KLHL1: variants seen among roughly 807,000 people sequenced by gnomAD.
KLHL1 encodes the protein kelch-like protein 1.
KLHL1 carries 47 observed loss-of-function variants against 77.7 expected under a neutral mutation model. The observed-to-expected ratio is 0.60, with a 90% CI of 0.48 to 0.77. The LOEUF is 0.77. Among genes scored for constraint, KLHL1 ranks in the 30% least tolerant of loss-of-function variants. The pLI is 0.00. For synonymous variants in KLHL1, 360 were observed against 325.2 expected (o/e 1.11, Z -1.15); for missense variants, 925 against 910.8 (o/e 1.02, Z -0.20).
At chr13:69,768,018 A>G (rs1216823198) in intron 7 of KLHL1, among the ~76,000 whole-genome samples, 1 of 152,218 alleles carries the variant, frequency 6.6e-6, no homozygotes, top group Non-Finnish European at 1.5e-5. Flanking sequence ...AGTAAAATAC[A>G]TTTGTTTGTA....
chr13:70,099,777 A>C (rs2137452917), intron 1 of KLHL1, among the ~76,000 whole-genome samples: 1 of 152,176 alleles, frequency 6.6e-6, no homozygotes, highest in Admixed American at 6.5e-5. Flanking sequence ...TTTAAACATT[A>C]AACTAATGAA....
chr13:69,817,468 T>G (rs2138072621), intron 6 of KLHL1, among the ~76,000 whole-genome samples: 1 of 152,346 alleles, frequency 6.6e-6, no homozygotes, highest in African/African-American at 2.4e-5. Context: ...TTGAAGGCTT[T>G]CTGTGATTCA....
chr13:69,962,981 CAT>C (rs1403613988), intron 2 of KLHL1, among the ~76,000 whole-genome samples: 1 of 152,116 alleles, frequency 6.6e-6, no homozygotes, highest in Non-Finnish European at 1.5e-5. Flanking sequence ...GTTATTTCTT[CAT>C]ATATTCACTT....
At chr13:69,890,674 G>A (rs1881395686) in intron 4 of KLHL1, among the ~76,000 whole-genome samples, 2 of 150,762 alleles carry the variant, frequency 1.3e-5, no homozygotes, top group Non-Finnish European at 3.0e-5. Flanking sequence ...ACAGATATAT[G>A]TATCTCCTTG....
intron 5 of KLHL1, among the ~76,000 whole-genome samples, chr13:69,841,834 G>T: frequency 1.3e-5 from 2 of 151,482 alleles, no homozygotes; most frequent in Non-Finnish European, 1.5e-5. Context: ...TTTCTCTAAA[G>T]ATAGATATAT....
chr13:69,760,656 C>T (rs1307780216), intron 7 of KLHL1, among the ~76,000 whole-genome samples: 2 of 151,962 alleles, frequency 1.3e-5, no homozygotes, highest in Non-Finnish European at 2.9e-5. Context: ...TGCCCTGCCA[C>T]AAGATTTAAA....
chr13:69,885,444 C>T (rs959178124), intron 4 of KLHL1, among the ~76,000 whole-genome samples: 1 of 150,190 alleles, frequency 6.7e-6, no homozygotes, highest in Non-Finnish European at 1.5e-5. Context: ...TTTCTTTACA[C>T]TTCATTGAAT....
At chr13:69,858,599 A>C (rs1339194145) in intron 5 of KLHL1, among the ~76,000 whole-genome samples, 1 of 152,102 alleles carries the variant, frequency 6.6e-6, no homozygotes, top group African/African-American at 2.4e-5. Flanking sequence ...AGTCTTAAAA[A>C]CATAAACATA....
chr13:69,827,442 T>G (rs920971091), intron 6 of KLHL1, among the ~76,000 whole-genome samples: 5 of 151,926 alleles, frequency 3.3e-5, no homozygotes, highest in African/African-American at 4.8e-5. Flanking sequence ...AAGTCATTCT[T>G]AGTGAGTGTC....
At chr13:69,706,415 A>G (rs562994417) in intron 10 of KLHL1, among the ~76,000 whole-genome samples, 2 of 152,044 alleles carry the variant, frequency 1.3e-5, no homozygotes, top group South Asian at 4.1e-4. Context: ...ACTAAAAAAT[A>G]TTGTTGCTGA....
intron 5 of KLHL1, among the ~76,000 whole-genome samples, chr13:69,841,402 T>C (rs79097834): frequency 0.08 from 12,182 of 151,814 alleles, 920 homozygotes; most frequent in African/African-American, 0.2. Context: ...CAGTGTTTCT[T>C]GTTTCTATAT....
At chr13:69,756,446 T>C (rs971446873) in intron 7 of KLHL1, among the ~76,000 whole-genome samples, 4 of 152,166 alleles carry the variant, frequency 2.6e-5, no homozygotes, top group African/African-American at 7.2e-5. Flanking sequence ...CCTCCAATAG[T>C]AGCAATTTGC....
intron 6 of KLHL1, among the ~76,000 whole-genome samples, chr13:69,821,535 G>A (rs557201417): frequency 2.6e-5 from 4 of 151,986 alleles, no homozygotes; most frequent in South Asian, 2.1e-4. Context: ...GGCTGGTCTC[G>A]AACTCCTGAC....
intron 1 of KLHL1, among the ~76,000 whole-genome samples, chr13:70,029,075 C>A (rs962587991): frequency 6.6e-6 from 1 of 151,862 alleles, no homozygotes; most frequent in East Asian, 1.9e-4. Context: ...TATATAATGA[C>A]TGTTTATTGC....
chr13:70,043,038 T>C (rs1886413564), intron 1 of KLHL1, among the ~76,000 whole-genome samples: 2 of 152,182 alleles, frequency 1.3e-5, no homozygotes, highest in South Asian at 4.1e-4. Flanking sequence ...ACTGAGTAGC[T>C]GGGATTATAG....
intron 4 of KLHL1, among the ~76,000 whole-genome samples, chr13:69,895,329 C>A (rs1164754113): frequency 6.6e-6 from 1 of 152,090 alleles, no homozygotes; most frequent in East Asian, 1.9e-4. Context: ...CTTGCCTCCT[C>A]CAGTATCATG....
chr13:69,804,560 A>G (rs1877534383), intron 6 of KLHL1, among the ~76,000 whole-genome samples: 1 of 152,202 alleles, frequency 6.6e-6, no homozygotes, highest in Admixed American at 6.5e-5. Flanking sequence ...TTTTTACTGC[A>G]ATTTTAATGC....
chr13:70,081,667 A>G lies in KLHL1; in HGVS notation c.497+25536T>C, dbSNP rs564980645. Among the ~76,000 whole-genome samples the G allele has an allele frequency of 5.9e-5, 9 of 152,196 alleles. 1 individual carries two copies. The South Asian group carries it at 1.7e-3, about 28-fold the overall frequency. ...TTAAGATAAATTCTTTCAATGATCA[A>G]TAGAGTTTAAACAGGAATTTCCATT... On this transcript the variant is annotated intron_variant, in intron 1 of 10. Coordinates refer to ENST00000377844, the MANE Select transcript of KLHL1 (RefSeq NM_020866.3).
chr13:69,858,554 A>G (rs535297682), intron 5 of KLHL1, among the ~76,000 whole-genome samples: 3 of 152,230 alleles, frequency 2.0e-5, no homozygotes, highest in African/African-American at 4.8e-5. Context: ...TGAAATGAAC[A>G]TTTATCATGT....
Sources: gnomAD v4.1 joint callset for allele counts (sites outside exome capture counted in the v4.1 genomes callset) on GRCh38, gnomAD v4.1.1 for gene constraint, MANE v1.5 for transcripts, NCBI Gene and HGNC (gene_info 2026-07-23, HGNC 2026-07-21) for gene names.